MYOF: variants seen among roughly 807,000 people sequenced by gnomAD.
MYOF encodes the protein myoferlin.
Under a neutral mutation model 284.2 loss-of-function variants are expected in MYOF, and 244 were observed. The observed-to-expected ratio is 0.86, with a 90% CI of 0.77 to 0.95. The LOEUF (loss-of-function observed/expected upper bound fraction) is 0.95. MYOF is among the 40% of genes least tolerant of loss of function. The probability of loss-of-function intolerance (pLI) is 0.00; values close to 1 mark genes in which losing one functional copy is unlikely to be tolerated. For missense variants in MYOF, 2,496 were observed against 2,560.6 expected, an observed-to-expected ratio of 0.97 and a Z score of 0.54; for synonymous variants, 904 against 919.7, an observed-to-expected ratio of 0.98 and a Z score of 0.31.
chr10:93,344,073 C>T, intron 37 of MYOF, 141 bp from the exon 38 acceptor site: 1 of 780,338 alleles, frequency 1.3e-6, no homozygotes, highest in Non-Finnish European at 2.1e-6. Context: ...GAGAGGACAA[C>T]TCCTGAATGT....
At chr10:93,475,904 G>T (rs868408329) in intron 1 of MYOF, among the ~76,000 whole-genome samples, 4 of 152,170 alleles carry the variant, frequency 2.6e-5, no homozygotes, top group Non-Finnish European at 2.9e-5. Context: ...CCTGCAGAAT[G>T]TGCCTTTGGG....
chr10:93,334,054 T>C, intron 41 of MYOF, 141 bp from the exon 42 acceptor site: 1 of 742,704 alleles, frequency 1.3e-6, no homozygotes, highest in South Asian at 2.2e-5. Context: ...TATATTGCAC[T>C]TTGCATATTT....
intron 25 of MYOF, among the ~76,000 whole-genome samples, chr10:93,367,153 G>T (rs1771039031): frequency 6.6e-6 from 1 of 152,188 alleles, no homozygotes; most frequent in South Asian, 2.1e-4. Flanking sequence ...CTGGAATGTG[G>T]CAAGGAGACC....
At chr10:93,436,835 T>A (rs7909267) in intron 3 of MYOF, among the ~76,000 whole-genome samples, 27,771 of 152,214 alleles carry the variant, frequency 0.18, 2,937 homozygotes, top group Middle Eastern at 0.27. Context: ...CTTTTTTCTT[T>A]TCTATTACTA....
intron 36 of MYOF, among the ~76,000 whole-genome samples, chr10:93,348,752 T>A (rs952943461): frequency 6.6e-6 from 1 of 152,014 alleles, no homozygotes; most frequent in African/African-American, 2.4e-5. Flanking sequence ...GACATCCCCT[T>A]GTGTAAATCT....
intron 3 of MYOF, among the ~76,000 whole-genome samples, chr10:93,439,776 G>A (rs548710577): frequency 6.6e-6 from 1 of 152,300 alleles, no homozygotes; most frequent in African/African-American, 2.4e-5. Context: ...TGTATAAAAA[G>A]CATATGAAGA....
At position 93,364,351 on chromosome 10, in the gene MYOF, A is replaced by C. The variant is rs187785387; in HGVS notation, c.2754-276T>G. Among the ~76,000 whole-genome samples the C allele has an allele frequency of 1.9e-4, 29 of 152,372 alleles. No homozygotes were observed. In the East Asian group the frequency reaches 3.5e-3, roughly 18 times the overall value. On this transcript the variant is annotated intron_variant, in intron 26 of 53. Transcript: ENST00000359263. ...TCAGTAATGAGGATGGGGTCTGGGA[A>C]AACAGTATTGTGGGCAGCTTCTTAC...
chr10:93,464,883 G>A (rs1158161560), intron 1 of MYOF, among the ~76,000 whole-genome samples: 1 of 152,162 alleles, frequency 6.6e-6, no homozygotes, highest in Admixed American at 6.5e-5. Context: ...CCATTCAGAA[G>A]TACTTCTTCC....
At chr10:93,341,885 G>A in intron 38 of MYOF, 1 of 1,286,302 alleles carries the variant, frequency 7.8e-7, no homozygotes, top group Non-Finnish European at 1.0e-6. Context: ...GTCCCAGGCA[G>A]CCTCATGCAT....
chr10:93,347,537 C>A (rs956544525), intron 37 of MYOF, 80 bp downstream of exon 37: 1 of 1,227,128 alleles, frequency 8.1e-7, no homozygotes, highest in Non-Finnish European at 1.0e-6. Flanking sequence ...CCGGCCTGGG[C>A]GACAGAGCGA....
At position 93,311,732 on chromosome 10, in the gene MYOF, G is replaced by A. The variant is rs528739705; in HGVS notation, c.5890-1089C>T. On this transcript the variant is annotated intron_variant, in intron 51 of 53. Coordinates refer to ENST00000359263, the MANE Select transcript of MYOF (RefSeq NM_013451.4). Reference sequence around the variant, plus strand: ...ATTTGGGAAGCCCTGGCCCTGAGTAGAGCCCTGATGACCTCTACCCTTACA... The same window carrying A: ...ATTTGGGAAGCCCTGGCCCTGAGTAAAGCCCTGATGACCTCTACCCTTACA... 1.9e-4 allele frequency among the ~76,000 whole-genome samples: 29 copies of A among 152,254 alleles called. No homozygotes were observed. In the South Asian group the frequency reaches 4.8e-3, roughly 25 times the overall value.
chr10:93,471,067 C>A (rs1414416643), intron 1 of MYOF, among the ~76,000 whole-genome samples: 1 of 151,986 alleles, frequency 6.6e-6, no homozygotes, highest in East Asian at 1.9e-4. Context: ...TGATGAAGGT[C>A]ATAAACTAAC....
chr10:93,341,932 G>T (rs1372461728), intron 38 of MYOF: 2 of 1,289,804 alleles, frequency 1.6e-6, no homozygotes, highest in South Asian at 2.5e-5. Context: ...CGCTGGAGAA[G>T]CCATTTTGCT....
intron 32 of MYOF, 117 bp from the exon 33 acceptor site, chr10:93,351,963 T>C: frequency 4.4e-6 from 4 of 918,660 alleles, no homozygotes; most frequent in Non-Finnish European, 6.3e-6. Context: ...TCTGACCACC[T>C]GCCTGGAGAT....
At chr10:93,382,927 G>C (rs574901074) in intron 19 of MYOF, among the ~76,000 whole-genome samples, 3 of 151,906 alleles carry the variant, frequency 2.0e-5, no homozygotes, top group East Asian at 1.9e-4. Context: ...ACTGTGTCTC[G>C]CTCTGTCACC....
At chr10:93,395,366 C>A (rs967915576) in intron 16 of MYOF, among the ~76,000 whole-genome samples, 2 of 152,172 alleles carry the variant, frequency 1.3e-5, no homozygotes, top group Non-Finnish European at 2.9e-5. Context: ...CTGCTTGAAC[C>A]TGGGAGGCAG....
At chr10:93,308,340 G>T (rs906696618) in intron 53 of MYOF, among the ~76,000 whole-genome samples, 4 of 150,886 alleles carry the variant, frequency 2.7e-5, no homozygotes, top group Admixed American at 1.3e-4. Context: ...ATCCTAGCAC[G>T]TTGGGAGGCT....
At chr10:93,310,296 G>T (rs1026785550) in intron 52 of MYOF, 129 bp from the exon 53 acceptor site, 2 of 1,236,306 alleles carry the variant, frequency 1.6e-6, no homozygotes, top group African/African-American at 3.0e-5. Flanking sequence ...GTTCCCCTTC[G>T]TTGACTGAGA....
At chr10:93,403,049 T>C (rs1342242532) in intron 9 of MYOF, among the ~76,000 whole-genome samples, 159 bp from the exon 10 acceptor site, 1 of 152,224 alleles carries the variant, frequency 6.6e-6, no homozygotes, top group African/African-American at 2.4e-5. Context: ...CCCCAGTGCC[T>C]TGTCTGATGT....
Sources: gnomAD v4.1 joint callset for allele counts (sites outside exome capture counted in the v4.1 genomes callset) on GRCh38, gnomAD v4.1.1 for gene constraint, MANE v1.5 for transcripts, NCBI Gene and HGNC (gene_info 2026-07-23, HGNC 2026-07-21) for gene names.